Variants in ARHGAP26 observed in about 807,000 individuals in gnomAD.
ARHGAP26 encodes the protein Rho GTPase activating protein 26.
A neutral mutation model predicts 104.8 loss-of-function variants in ARHGAP26; 38 were observed. That is an observed-to-expected ratio of 0.36 (90% CI 0.28 to 0.48). ARHGAP26 has a LOEUF of 0.48. ARHGAP26 is among the 20% of genes least tolerant of loss of function. ARHGAP26 has a pLI of 0.99. For missense variants in ARHGAP26, 704 were observed against 947.9 expected, an observed-to-expected ratio of 0.74 and a Z score of 3.38; for synonymous variants, 341 against 340.0, an observed-to-expected ratio of 1.00 and a Z score of -0.03.
intron 1 of ARHGAP26, among the ~76,000 whole-genome samples, chr5:142,793,487 C>G (rs2151922438): frequency 6.6e-6 from 1 of 152,206 alleles, no homozygotes; most frequent in South Asian, 2.1e-4. Context: ...TGAACCCCTT[C>G]AGGTCTCAGT....
intron 1 of ARHGAP26, among the ~76,000 whole-genome samples, chr5:142,861,350 G>T (rs1248631591): frequency 3.4e-5 from 5 of 146,196 alleles, no homozygotes; most frequent in South Asian, 4.4e-4. Context: ...GGCTAGGTCC[G>T]TTTTTTTTTT....
chr5:143,185,648 C>T (rs944302873), intron 20 of ARHGAP26, among the ~76,000 whole-genome samples: 2 of 152,230 alleles, frequency 1.3e-5, no homozygotes, highest in Admixed American at 6.5e-5. Context: ...TTATCCGGTT[C>T]AGCAAGTATC....
intron 1 of ARHGAP26, among the ~76,000 whole-genome samples, chr5:142,825,249 C>T (rs566853216): frequency 6.6e-6 from 1 of 152,292 alleles, no homozygotes; most frequent in Admixed American, 6.5e-5. Flanking sequence ...ATGTTAGTAA[C>T]AGTAACTTGT....
chr5:142,935,171 C>T (rs568064166), intron 11 of ARHGAP26, among the ~76,000 whole-genome samples: 2 of 152,260 alleles, frequency 1.3e-5, no homozygotes, highest in Admixed American at 1.3e-4. Flanking sequence ...ATACTGGAGT[C>T]TAATAGTCTG....
At chr5:142,983,407 T>C (rs530351179) in intron 11 of ARHGAP26, among the ~76,000 whole-genome samples, 23 of 152,318 alleles carry the variant, frequency 1.5e-4, no homozygotes, top group African/African-American at 5.5e-4. Flanking sequence ...GTTTACACCA[T>C]GTTGGCCAGG....
In ARHGAP26 at chr5:143,012,554, T is replaced by TATATATATTTATATATATAC. The variant is rs1562259532; in HGVS notation, c.1108-1518_1108-1517insTTATATATATACATATATAT. Among the ~76,000 whole-genome samples, 2 of 66,182 alleles carry TATATATATTTATATATATAC rather than the reference T, an allele frequency of 3.0e-5. 1 individual carries two copies. The highest frequency in any genetic ancestry group is 8.0e-5 in the Non-Finnish European group (2 of 25,080). The allele number at this position is 66,182 out of a possible 152,430, so 43.4% of individuals were successfully genotyped here. ...GGATATATTTATATACATACATACA[T>TATATATATTTATATATATAC]ATATATATATATATATATATATTAT... On this transcript the variant is annotated intron_variant, in intron 11 of 22. Coordinates refer to ENST00000645722, the MANE Select transcript of ARHGAP26 (RefSeq NM_001135608.3).
chr5:142,939,032 G>A (rs949830250), intron 11 of ARHGAP26, among the ~76,000 whole-genome samples: 4 of 152,144 alleles, frequency 2.6e-5, no homozygotes, highest in Non-Finnish European at 4.4e-5. Context: ...CACTCTTGTA[G>A]GTCAAAAATA....
chr5:143,141,937 C>G (rs1015979947), intron 19 of ARHGAP26, among the ~76,000 whole-genome samples: 1 of 152,160 alleles, frequency 6.6e-6, no homozygotes, highest in African/African-American at 2.4e-5. Context: ...AGTGACTTCC[C>G]CATTCTCTCA....
chr5:143,167,567 T>A (rs1802182281), intron 20 of ARHGAP26, among the ~76,000 whole-genome samples: 1 of 151,208 alleles, frequency 6.6e-6, no homozygotes, highest in African/African-American at 2.4e-5. Context: ...TGATTACATT[T>A]CATTTGTTTG....
In ARHGAP26 at chr5:143,223,230, T is replaced by C. The variant is rs928153378; in HGVS notation, c.*784T>C. The C allele has an allele frequency of 8.6e-6, 2 of 233,158 alleles. No individual in the cohort carries two copies. Among genetic ancestry groups the C allele is most frequent in the Non-Finnish European group, 1.7e-5 (2 of 117,688 alleles). The allele number at this position is 233,158 out of a possible 1,614,324, so 14.4% of individuals were successfully genotyped here. ...CATCCTCTTTGCATGACACATTTTTTTTCTCCCCTTTTTGGTACACTTTTT... is the reference window on the plus strand; with the variant it reads ...CATCCTCTTTGCATGACACATTTTTCTTCTCCCCTTTTTGGTACACTTTTT... On this transcript the variant is annotated 3_prime_UTR_variant, in exon 23 of 23. Transcript: ENST00000645722.
At chr5:143,121,357 A>G (rs1019178163) in intron 18 of ARHGAP26, among the ~76,000 whole-genome samples, 1 of 152,184 alleles carries the variant, frequency 6.6e-6, no homozygotes, top group African/African-American at 2.4e-5. Context: ...GACAACAGCC[A>G]TGGTTATGGT....
rs3822400 is a variant in ARHGAP26 at position 142,973,848 on chromosome 5, G to A, written c.1108-40232G>A. ...AAGACTCTCCGTTGGTTTAGGGGGA[G>A]GTGGGTGGGAGGGCGCTAGCAGAGG... On this transcript the variant is annotated intron_variant, in intron 11 of 22. Coordinates refer to ENST00000645722, the MANE Select transcript of ARHGAP26 (RefSeq NM_001135608.3). Among the ~76,000 whole-genome samples the A allele has an allele frequency of 3.9e-5, 6 of 152,172 alleles. No homozygotes were observed. The East Asian group carries it at 1.2e-3, about 29-fold the overall frequency.
At chr5:142,947,117 A>AAAAAAAAAAAAAG in intron 11 of ARHGAP26, 1 of 150,904 alleles carries the variant, frequency 6.6e-6, no homozygotes, top group South Asian at 2.1e-4. Context: ...AAAAAAAAAA[A>AAAAAAAAAAAAAG]AAGAGAGAGA....
At chr5:143,016,275 T>C (rs1190642903) in intron 12 of ARHGAP26, among the ~76,000 whole-genome samples, 1 of 152,232 alleles carries the variant, frequency 6.6e-6, no homozygotes, top group Non-Finnish European at 1.5e-5. Context: ...TTGGAAAATA[T>C]AAGCAGTTGT....
At chr5:143,094,775 G>C (rs1255984662) in intron 17 of ARHGAP26, among the ~76,000 whole-genome samples, 1 of 152,128 alleles carries the variant, frequency 6.6e-6, no homozygotes, top group African/African-American at 2.4e-5. Context: ...GAGAGTGATG[G>C]GGTGAGTGGT....
chr5:142,972,094 A>G (rs1364825087), intron 11 of ARHGAP26, among the ~76,000 whole-genome samples: 2 of 152,240 alleles, frequency 1.3e-5, no homozygotes, highest in South Asian at 2.1e-4. Context: ...GGGCAGGAGA[A>G]TTGCTTGAAC....
intron 1 of ARHGAP26, among the ~76,000 whole-genome samples, chr5:142,792,944 A>C (rs1366866157): frequency 2.0e-5 from 3 of 152,252 alleles, no homozygotes; most frequent in Non-Finnish European, 4.4e-5. Flanking sequence ...AACACTGATA[A>C]CTGATGTTCA....
At chr5:143,119,240 G>T (rs1795850725) in intron 17 of ARHGAP26, among the ~76,000 whole-genome samples, 1 of 152,180 alleles carries the variant, frequency 6.6e-6, no homozygotes, top group African/African-American at 2.4e-5. Flanking sequence ...TCCAAACCGT[G>T]TATTTTTATA....
intron 17 of ARHGAP26, among the ~76,000 whole-genome samples, chr5:143,120,649 T>G (rs888651014): frequency 9.2e-5 from 14 of 152,196 alleles, no homozygotes; most frequent in African/African-American, 3.4e-4. Context: ...ACATAAATTG[T>G]AATTAAGAGG....
Sources: allele counts gnomAD v4.1 joint callset (sites outside exome capture counted in the v4.1 genomes callset), GRCh38; gene constraint gnomAD v4.1.1; transcripts MANE v1.5; gene names NCBI Gene and HGNC (gene_info 2026-07-23, HGNC 2026-07-21).